Variants in NUP210L observed in about 807,000 individuals in gnomAD.
NUP210L encodes nuclear pore membrane glycoprotein 210-like.
A neutral mutation model predicts 208.5 loss-of-function variants in NUP210L; 74 were observed. The ratio of observed to expected loss-of-function variants is 0.35; its 90% CI spans 0.29 to 0.43. NUP210L has a LOEUF of 0.43. Ranked by LOEUF, NUP210L falls within the 20% of genes least tolerant of loss-of-function variation. The pLI, the probability that NUP210L is intolerant of heterozygous loss-of-function variation, is 1.00. For synonymous variants in NUP210L, 780 were observed against 816.9 expected (o/e 0.95, Z 0.77); for missense variants, 1,843 against 2,289.4 (o/e 0.81, Z 3.98).
chr1:154,135,708 A>G, intron 7 of NUP210L, 106 bp downstream of exon 7: 1 of 1,022,830 alleles, frequency 9.8e-7, no homozygotes, highest in Admixed American at 1.9e-5. Context: ...GGCGTGAGCC[A>G]CCGCGCCCGG....
chr1:154,002,067 T>G, intron 35 of NUP210L, 82 bp from the exon 36 acceptor site: 6 of 1,404,454 alleles, frequency 4.3e-6, no homozygotes, highest in Non-Finnish European at 5.9e-6. Flanking sequence ...AAGGGAAAAT[T>G]GTGACATGCA....
At chr1:154,127,553 C>CTTTT (rs10531787) in intron 8 of NUP210L, 136 bp from the exon 9 acceptor site, 2 of 184,786 alleles carry the variant, frequency 1.1e-5, no homozygotes, top group Non-Finnish European at 9.6e-6. Flanking sequence ...AAAGTAGGTT[C>CTTTT]TTTTTTTTTT....
At chr1:154,072,583 T>C (rs1026632011) in intron 16 of NUP210L, among the ~76,000 whole-genome samples, 11 of 152,022 alleles carry the variant, frequency 7.2e-5, no homozygotes, top group Non-Finnish European at 8.8e-5. Flanking sequence ...CCGCCCGCCT[T>C]GACCTCCCAA....
chr1:154,054,747 A>AT (rs1463100984), intron 24 of NUP210L, 23 bp downstream of exon 24: 3 of 1,563,082 alleles, frequency 1.9e-6, no homozygotes, highest in South Asian at 1.1e-5. Context: ...GGTAAATCTT[A>AT]TTTTTTCTGC....
At chr1:154,004,259 C>T (rs964952861) in intron 35 of NUP210L, among the ~76,000 whole-genome samples, 5 of 151,696 alleles carry the variant, frequency 3.3e-5, no homozygotes, top group Admixed American at 6.6e-5. Flanking sequence ...TTAGTAGAGA[C>T]GGGGTTTCAC....
intron 3 of NUP210L, among the ~76,000 whole-genome samples, chr1:154,141,981 G>A (rs1658872876): frequency 6.6e-6 from 1 of 152,060 alleles, no homozygotes; most frequent in African/African-American, 2.4e-5. Context: ...GGGCAACATA[G>A]TGACACCTGG....
chr1:154,079,629 T>A (rs1413971801), intron 16 of NUP210L: 1 of 152,194 alleles, frequency 6.6e-6, no homozygotes, highest in East Asian at 1.9e-4. Context: ...AGAAGCACAT[T>A]ATCTTTATTT....
intron 13 of NUP210L, among the ~76,000 whole-genome samples, chr1:154,100,967 G>A (rs918275398): frequency 6.6e-6 from 1 of 151,868 alleles, no homozygotes; most frequent in African/African-American, 2.4e-5. Context: ...GAGCTCGGGA[G>A]TTCGAGACCA....
intron 16 of NUP210L, among the ~76,000 whole-genome samples, chr1:154,084,321 C>T (rs930696598): frequency 6.6e-6 from 1 of 151,500 alleles, no homozygotes; most frequent in Non-Finnish European, 1.5e-5. Context: ...AAGCGATTCT[C>T]ATACCTCAGC....
At chr1:154,152,645 G>T in intron 2 of NUP210L, 91 bp downstream of exon 2, 1 of 1,165,192 alleles carries the variant, frequency 8.6e-7, no homozygotes, top group Non-Finnish European at 1.2e-6. Context: ...ATCATTTGAA[G>T]CCAACACCAT....
chr1:154,070,795 G>A (rs1228138811), intron 16 of NUP210L, among the ~76,000 whole-genome samples: 2 of 152,034 alleles, frequency 1.3e-5, no homozygotes, highest in Non-Finnish European at 2.9e-5. Context: ...CTAAGAATAC[G>A]AGAACATTCT....
intron 8 of NUP210L, among the ~76,000 whole-genome samples, chr1:154,128,431 G>C (rs114978684): frequency 0.026 from 3,964 of 152,254 alleles, 166 homozygotes; most frequent in African/African-American, 0.088. Flanking sequence ...GCTACAGTGG[G>C]CTGTAGCCCA....
intron 17 of NUP210L, among the ~76,000 whole-genome samples, chr1:154,069,085 T>C (rs991158717): frequency 3.3e-5 from 5 of 152,068 alleles, no homozygotes; most frequent in African/African-American, 1.2e-4. Flanking sequence ...CCTAAAACCA[T>C]AAAAACCCTA....
Position 154,118,632 on chromosome 1 carries a change from C to T in NUP210L, c.1464+39G>A, listed in dbSNP as rs759899259. ...TCAATAAATTAAGCTATTAGAGAAA[C>T]CGGCTTATCTCCTTGTGAAGCCTTA... On this transcript the variant is annotated intron_variant, in intron 11 of 39. Coordinates refer to ENST00000368559, the Ensembl canonical transcript of NUP210L. 7 of 1,309,114 alleles carry T rather than the reference C, an allele frequency of 5.3e-6. No individual in the cohort carries two copies. The African/African-American group carries it at 1.1e-4, about 20-fold the overall frequency. The allele number at this position is 1,309,114 out of a possible 1,614,324, so 81.1% of individuals were successfully genotyped here.
intron 25 of NUP210L, among the ~76,000 whole-genome samples, chr1:154,053,693 C>T (rs987741465): frequency 1.5e-4 from 23 of 152,312 alleles, no homozygotes; most frequent in Admixed American, 9.2e-4. Flanking sequence ...CTTTGTTTCC[C>T]GTAAGGAATG....
At chr1:154,015,446 C>A (rs1651182942) in intron 33 of NUP210L, among the ~76,000 whole-genome samples, 1 of 151,862 alleles carries the variant, frequency 6.6e-6, no homozygotes, top group Admixed American at 6.6e-5. Context: ...ATTGGCTGGG[C>A]ACAGTGGCTC....
At chr1:154,064,147 C>T (rs1370234848) in intron 17 of NUP210L, among the ~76,000 whole-genome samples, 2 of 151,752 alleles carry the variant, frequency 1.3e-5, no homozygotes, top group Admixed American at 1.3e-4. Context: ...ATTCTCTTGC[C>T]TCAGTTTCCC....
intron 17 of NUP210L, among the ~76,000 whole-genome samples, chr1:154,069,457 T>C (rs1009560238): frequency 6.6e-6 from 1 of 152,234 alleles, no homozygotes; most frequent in African/African-American, 2.4e-5. Flanking sequence ...ATGCTCATCA[T>C]CACTGGTCAT....
intron 28 of NUP210L, 81 bp from the exon 29 acceptor site, chr1:154,027,678 C>T (rs1051251470): frequency 1.4e-5 from 12 of 833,086 alleles, no homozygotes; most frequent in Middle Eastern, 2.2e-4. Context: ...AGTATAATCC[C>T]GAAGAGATTA....
Sources: allele counts gnomAD v4.1 joint callset (sites outside exome capture counted in the v4.1 genomes callset), GRCh38; gene constraint gnomAD v4.1.1; transcripts MANE v1.5; gene names NCBI Gene and HGNC (gene_info 2026-07-23, HGNC 2026-07-21).